Variants in GOLGB1 observed in about 807,000 individuals in gnomAD.
GOLGB1 encodes the protein golgin B1.
GOLGB1 carries 174 observed loss-of-function variants against 336.9 expected under a neutral mutation model. That is an observed-to-expected ratio of 0.52 (90% CI 0.46 to 0.59). The LOEUF (loss-of-function observed/expected upper bound fraction) is 0.59. Among genes scored for constraint, GOLGB1 ranks in the 20% least tolerant of loss-of-function variants. The pLI, the probability that GOLGB1 is intolerant of heterozygous loss-of-function variation, is 0.00. For synonymous variants in GOLGB1, 1,208 were observed against 1,289.2 expected, an observed-to-expected ratio of 0.94 and a Z score of 1.35; for missense variants, 3,331 against 3,645.3, an observed-to-expected ratio of 0.91 and a Z score of 2.22.
intron 14 of GOLGB1, among the ~76,000 whole-genome samples, chr3:121,686,631 GAAATAA>G (rs1185167281): frequency 6.7e-6 from 1 of 149,444 alleles, no homozygotes; most frequent in Admixed American, 6.7e-5. Context: ...TCTAATTGGG[GAAATAA>G]AAAATAGTGT....
At chr3:121,747,338 T>TACGTATATGTCTATATAC (rs1491512878) in intron 1 of GOLGB1, among the ~76,000 whole-genome samples, 2 of 137,710 alleles carry the variant, frequency 1.5e-5, no homozygotes, top group African/African-American at 5.5e-5. Context: ...TACGTATATA[T>TACGTATATGTCTATATAC]GTATATATAT....
intron 1 of GOLGB1, among the ~76,000 whole-genome samples, chr3:121,747,920 A>G (rs1325995730): frequency 6.6e-6 from 1 of 152,170 alleles, no homozygotes; most frequent in Admixed American, 6.5e-5. Flanking sequence ...CCTTTTACAT[A>G]ATGGTTTCTA....
intron 1 of GOLGB1, among the ~76,000 whole-genome samples, 182 bp downstream of exon 1, chr3:121,749,450 T>C (rs1303340409): frequency 6.6e-6 from 1 of 152,046 alleles, no homozygotes; most frequent in Non-Finnish European, 1.5e-5. Context: ...TGTGGGCTAC[T>C]AGAACTAGGC....
chr3:121,712,214 A>C (rs920190264), intron 10 of GOLGB1, among the ~76,000 whole-genome samples: 1 of 152,194 alleles, frequency 6.6e-6, no homozygotes, highest in Admixed American at 6.5e-5. Context: ...AGGAAAGTAA[A>C]GTCTCCTTAC....
At chr3:121,674,247 G>A (rs974673554) in intron 17 of GOLGB1, among the ~76,000 whole-genome samples, 2 of 149,630 alleles carry the variant, frequency 1.3e-5, no homozygotes, top group South Asian at 2.1e-4. Flanking sequence ...TTTTTTTTTT[G>A]TTTTGTTTTT....
intron 15 of GOLGB1, among the ~76,000 whole-genome samples, chr3:121,679,936 C>CT (rs548426403): frequency 1.3e-5 from 2 of 152,180 alleles, no homozygotes; most frequent in Non-Finnish European, 2.9e-5. Context: ...GGATTCTGGA[C>CT]TTTGAGTACT....
chr3:121,726,001 A>G (rs189687943), intron 5 of GOLGB1, among the ~76,000 whole-genome samples: 9 of 152,212 alleles, frequency 5.9e-5, no homozygotes, highest in Admixed American at 5.2e-4. Flanking sequence ...AAATTAAATT[A>G]AATTTCTGTT....
intron 10 of GOLGB1, among the ~76,000 whole-genome samples, chr3:121,712,318 C>G (rs182479550): frequency 1.3e-5 from 2 of 151,982 alleles, no homozygotes; most frequent in Admixed American, 1.3e-4. Context: ...ATTTGAGATT[C>G]AGAGACTTCA....
chr3:121,745,462 A>G (rs1238068402), intron 1 of GOLGB1, among the ~76,000 whole-genome samples: 1 of 136,852 alleles, frequency 7.3e-6, no homozygotes, highest in Non-Finnish European at 1.6e-5. Context: ...GTGTATGTAT[A>G]TATACATATG....
chr3:121,691,926 G>T lies in GOLGB1; in HGVS notation c.7438C>A (p.Arg2480Ser). Residue 2480 changes from arginine (R) to serine (S), a missense_variant, in exon 14 of 22, where the codon CGC (arginine) becomes AGC (serine). Transcript: ENST00000614479. Reference protein sequence around the residue: ...SMSSLQNDRDRIVGDYQQLEE... With the variant: ...SMSSLQNDRDSIVGDYQQLEE... ...AGCTGTTGATAGTCACCCACTATGCGGTCTCGATCATTTTGGAGAGAAGAC... is the reference window on the plus strand; with the variant it reads ...AGCTGTTGATAGTCACCCACTATGCTGTCTCGATCATTTTGGAGAGAAGAC... The T allele has an allele frequency of 6.2e-7, 1 of 1,614,088 alleles. No homozygotes were observed. Among genetic ancestry groups the T allele is most frequent in the South Asian group, 1.1e-5 (1 of 91,062 alleles).
chr3:121,726,974 T>C lies in GOLGB1; in HGVS notation c.470A>G (p.Glu157Gly), dbSNP rs776839109. Residue 157 changes from glutamate (E) to glycine (G), a missense_variant, in exon 5 of 22, where the codon GAG becomes GGG. By Grantham distance (98) the Glu-to-Gly change is moderately conservative. Transcript: ENST00000614479. ...EKIKHKLQEK[E>G]ELISTLQAQL... Reference sequence around the variant, plus strand: ...GGCTTGCAAAGTGCTGATTAGTTCCTCCTTCTCCTGGAGCTTATGTTTTAT... The same window carrying C: ...GGCTTGCAAAGTGCTGATTAGTTCCCCCTTCTCCTGGAGCTTATGTTTTAT... The C allele has an allele frequency of 6.9e-6, 11 of 1,605,014 alleles. No individual in the cohort carries two copies. The highest frequency in any genetic ancestry group is 9.4e-6 in the Non-Finnish European group (11 of 1,173,636).
chr3:121,727,321 T>TATATA (rs1491103201), intron 4 of GOLGB1, among the ~76,000 whole-genome samples: 29 of 28,954 alleles, frequency 1.0e-3, no homozygotes, highest in African/African-American at 2.2e-3. Context: ...TATATATATA[T>TATATA]TTTTTTTTTT....
intron 21 of GOLGB1, 89 bp from the exon 22 acceptor site, chr3:121,664,703 G>A: frequency 7.8e-7 from 1 of 1,275,736 alleles, no homozygotes; most frequent in Middle Eastern, 1.9e-4. Flanking sequence ...AAGCAAAGCT[G>A]ACCCAACCAC....
intron 19 of GOLGB1, 102 bp downstream of exon 19, chr3:121,667,959 A>T (rs1938873834): frequency 1.6e-6 from 1 of 624,642 alleles, no homozygotes; most frequent in African/African-American, 1.8e-5. Context: ...TAAGATAACA[A>T]GACATATTAA....
At chr3:121,727,153 G>T in intron 4 of GOLGB1, 112 bp from the exon 5 acceptor site, 4 of 579,782 alleles carry the variant, frequency 6.9e-6, no homozygotes, top group Non-Finnish European at 1.0e-5. Context: ...TTATTAAACT[G>T]ATGGGAGCAA....
Position 121,695,481 on chromosome 3 carries a change from T to C in GOLGB1, c.5042A>G (p.Glu1681Gly), listed in dbSNP as rs779438504. 8 of 1,614,116 alleles carry C rather than the reference T, an allele frequency of 5.0e-6. No homozygotes were observed. Among genetic ancestry groups the C allele is most frequent in the Non-Finnish European group, 6.8e-6 (8 of 1,179,994 alleles). ...AGATTTAGCAAACTTTCTCATCTTT[T>C]CTTTCATTTCCTCCATTTCTTGCTC... ...EAEQEMEEMK[E>G]KMRKFAKSKQ... The change falls in exon 13 of 22, where the codon GAA becomes GGA. Residue 1681 changes from glutamate to glycine, a missense_variant. Coordinates refer to ENST00000614479, the MANE Select transcript of GOLGB1 (RefSeq NM_001366282.2).
chr3:121,667,550 C>T lies in GOLGB1; in HGVS notation c.9480G>A (p.Lys3160=). 6.2e-7 allele frequency: 1 copy of T among 1,614,020 alleles called. No individual in the cohort carries two copies. Among genetic ancestry groups the T allele is most frequent in the South Asian group, 1.1e-5 (1 of 91,082 alleles). ...NTRQEVNELR[K]LLEEERDQRV... ...TTTGGTCTCGTTCTTCTTCCAGCAG[C>T]TTCCTTAATTCATTCACTTCCTGTC... Residue 3160 remains lysine (K), a synonymous_variant, in exon 20 of 22, where the codon AAG becomes AAA. Transcript: ENST00000614479.
chr3:121,727,356 A>C (rs1945756933), intron 4 of GOLGB1, among the ~76,000 whole-genome samples: 1 of 110,456 alleles, frequency 9.1e-6, no homozygotes, highest in African/African-American at 3.4e-5. Flanking sequence ...TTTCCCTCAC[A>C]CCAAGCATGT....
chr3:121,677,053 C>A, intron 16 of GOLGB1, 23 bp from the exon 17 acceptor site: 1 of 1,613,542 alleles, frequency 6.2e-7, no homozygotes, highest in South Asian at 1.1e-5. Flanking sequence ...AAACATTGAT[C>A]AGATTCTCTC....
Sources: allele counts gnomAD v4.1 joint callset (sites outside exome capture counted in the v4.1 genomes callset), GRCh38; gene constraint gnomAD v4.1.1; transcripts MANE v1.5; gene names NCBI Gene and HGNC (gene_info 2026-07-23, HGNC 2026-07-21).